CREB5: variants seen among roughly 807,000 people sequenced by gnomAD.
The protein encoded by CREB5 is cAMP responsive element binding protein 5, also known as cyclic AMP-responsive element-binding protein 5.
CREB5 carries 19 observed loss-of-function variants against 57.1 expected under a neutral mutation model. The observed-to-expected ratio is 0.33, with a 90% confidence interval of 0.23 to 0.49. The LOEUF is 0.49. Ranked by LOEUF, CREB5 falls within the 20% of genes least tolerant of loss-of-function variation. CREB5 has a pLI of 0.99. For synonymous variants in CREB5, 238 were observed against 238.3 expected (o/e 1.00, Z 0.01); for missense variants, 579 against 671.6 (o/e 0.86, Z 1.52).
Position 28,679,466 on chromosome 7 carries a change from A to T in CREB5, c.465-39287A>T, listed in dbSNP as rs564730173. ...AGTTTGGCTCAGAGTGTGGGCCCTGATGAGATTTCAGGGTGTAAAAGGGAG... is the reference window on the plus strand; with the variant it reads ...AGTTTGGCTCAGAGTGTGGGCCCTGTTGAGATTTCAGGGTGTAAAAGGGAG... On this transcript the variant is annotated intron_variant, in intron 5 of 10. Coordinates refer to ENST00000357727, the MANE Select transcript of CREB5 (RefSeq NM_182898.4). 4.4e-3 allele frequency among the ~76,000 whole-genome samples: 666 copies of T among 152,242 alleles called. 3 individuals are homozygous for T. The highest frequency in any genetic ancestry group is 0.015 in the African/African-American group (623 of 41,552).
intron 7 of CREB5, among the ~76,000 whole-genome samples, chr7:28,779,909 A>G (rs1411413619): frequency 6.6e-6 from 1 of 152,062 alleles, no homozygotes; most frequent in Non-Finnish European, 1.5e-5. Flanking sequence ...TTGATTGTTA[A>G]GCTGTGGTGT....
At chr7:28,480,802 TACTC>T (rs1791291928) in intron 1 of CREB5, among the ~76,000 whole-genome samples, 1 of 152,194 alleles carries the variant, frequency 6.6e-6, no homozygotes, top group African/African-American at 2.4e-5. Context: ...TTCAGCGACT[TACTC>T]AACATTGCAC....
Position 28,722,719 on chromosome 7 carries a change from A to C in CREB5, c.592-1503A>C, listed in dbSNP as rs549079385. Among the ~76,000 whole-genome samples, 17 of 152,220 alleles carry C rather than the reference A, an allele frequency of 1.1e-4. No homozygotes were observed. The South Asian group carries it at 3.5e-3, about 32-fold the overall frequency. On this transcript the variant is annotated intron_variant, in intron 6 of 10. Transcript: ENST00000357727. ...CGGAAGTGCTTGGAAATGTACAGAA[A>C]ATTCACCTTTATTAGCTCCTCTTGA...
intron 1 of CREB5, among the ~76,000 whole-genome samples, chr7:28,414,371 C>T (rs1041842897): frequency 1.3e-5 from 2 of 151,864 alleles, no homozygotes; most frequent in African/African-American, 4.8e-5. Flanking sequence ...CTTTGACTAC[C>T]AGCTGTATTA....
chr7:28,495,063 C>A, intron 3 of CREB5, 64 bp downstream of exon 3: 2 of 1,170,608 alleles, frequency 1.7e-6, no homozygotes, highest in South Asian at 3.6e-5. Flanking sequence ...GATACTTGTT[C>A]TTCTTTTGGT....
chr7:28,622,800 C>T (rs1797855549), intron 5 of CREB5, among the ~76,000 whole-genome samples: 1 of 152,012 alleles, frequency 6.6e-6, no homozygotes, highest in Non-Finnish European at 1.5e-5. Context: ...GCAAAAGGAT[C>T]ACTTCAGCCC....
intron 7 of CREB5, among the ~76,000 whole-genome samples, chr7:28,730,249 C>T (rs1803541034): frequency 6.6e-6 from 1 of 152,092 alleles, no homozygotes; most frequent in Non-Finnish European, 1.5e-5. Flanking sequence ...AGTGGAGGGA[C>T]CATGGCTCAC....
intron 1 of CREB5, 48 bp from the exon 2 acceptor site, chr7:28,488,127 T>C (rs751943161): frequency 3.9e-6 from 6 of 1,555,796 alleles, no homozygotes; most frequent in Middle Eastern, 3.4e-4. Context: ...AAGCAGAAGA[T>C]ATTCATGGAT....
chr7:28,644,760 G>A (rs2128703128), intron 5 of CREB5, among the ~76,000 whole-genome samples: 1 of 152,136 alleles, frequency 6.6e-6, no homozygotes, highest in East Asian at 1.9e-4. Flanking sequence ...AAAATTAAAA[G>A]TGCTTACTGA....
intron 9 of CREB5, among the ~76,000 whole-genome samples, chr7:28,810,241 G>T (rs1487411429): frequency 1.3e-5 from 2 of 151,864 alleles, no homozygotes; most frequent in East Asian, 3.9e-4. Context: ...AAAAAAAAAG[G>T]CAAGTAAATA....
At chr7:28,411,124 A>G (rs1008715425), upstream of CREB5, among the ~76,000 whole-genome samples, 1 of 152,220 alleles carries the variant, frequency 6.6e-6, no homozygotes, top group Non-Finnish European at 1.5e-5. Context: ...CTTCTCCTCT[A>G]GGGCGAAAAT....
At chr7:28,317,890 G>A (rs1392526031) in intron 1 of CREB5, among the ~76,000 whole-genome samples, 1 of 152,200 alleles carries the variant, frequency 6.6e-6, no homozygotes, top group East Asian at 1.9e-4. Context: ...TTGTACCATA[G>A]AGTAGATGGC....
intron 7 of CREB5, among the ~76,000 whole-genome samples, chr7:28,738,709 C>T (rs1343463460): frequency 2.0e-5 from 3 of 152,160 alleles, no homozygotes; most frequent in Non-Finnish European, 4.4e-5. Flanking sequence ...AGGGCCTGAG[C>T]TTGTGAGGAA....
chr7:28,601,185 A>AG (rs972076184), intron 5 of CREB5, among the ~76,000 whole-genome samples: 1 of 151,612 alleles, frequency 6.6e-6, no homozygotes, highest in Non-Finnish European at 1.5e-5. Flanking sequence ...TTTTTTGGAA[A>AG]GGGGGGCTCC....
Position 28,682,926 on chromosome 7 carries a change from G to A in CREB5, c.465-35827G>A, listed in dbSNP as rs534571020. 9.7e-4 allele frequency among the ~76,000 whole-genome samples: 148 copies of A among 152,260 alleles called. 1 individual carries two copies. The highest frequency in any genetic ancestry group is 3.1e-3 in the African/African-American group (128 of 41,544). ...AAATCTCAAAGGTTTCCACTTCTTC[G>A]GAGCCGAACATTTCATCAGGGGCTG... is the stretch of plus-strand genomic sequence containing the variant. On this transcript the variant is annotated intron_variant, in intron 5 of 10. Coordinates refer to ENST00000357727, the MANE Select transcript of CREB5 (RefSeq NM_182898.4).
At chr7:28,806,084 C>A (rs914061359) in intron 8 of CREB5, among the ~76,000 whole-genome samples, 4 of 151,680 alleles carry the variant, frequency 2.6e-5, no homozygotes, top group Non-Finnish European at 5.9e-5. Flanking sequence ...GAAACGAGAA[C>A]ATCAAGGTTT....
chr7:28,500,681 C>T (rs1348151309), intron 3 of CREB5, among the ~76,000 whole-genome samples: 1 of 152,152 alleles, frequency 6.6e-6, no homozygotes, highest in Admixed American at 6.5e-5. Flanking sequence ...GAACTGAGAT[C>T]CATTGCTCAT....
chr7:28,512,248 G>A (rs1583559365), intron 4 of CREB5, among the ~76,000 whole-genome samples: 2 of 152,238 alleles, frequency 1.3e-5, no homozygotes, highest in South Asian at 4.1e-4. Context: ...AGTCACTAAT[G>A]TAGAAACGGT....
intron 5 of CREB5, among the ~76,000 whole-genome samples, chr7:28,667,770 G>A (rs138651528): frequency 1.7e-4 from 26 of 152,212 alleles, no homozygotes; most frequent in African/African-American, 4.1e-4. Context: ...TGACAAAGCC[G>A]AGGAAACGAA....
Sources: gnomAD v4.1 joint callset for allele counts (sites outside exome capture counted in the v4.1 genomes callset) on GRCh38, gnomAD v4.1.1 for gene constraint, MANE v1.5 for transcripts, NCBI Gene and HGNC (gene_info 2026-07-23, HGNC 2026-07-21) for gene names.